XYLB: variants seen among roughly 807,000 people sequenced by gnomAD.
XYLB encodes xylulokinase, also known as xylulose kinase.
A neutral mutation model predicts 78.7 loss-of-function variants in XYLB; 62 were observed. That is an observed-to-expected ratio of 0.79 (90% CI 0.64 to 0.97). The LOEUF (loss-of-function observed/expected upper bound fraction) is 0.97. Ranked by LOEUF, XYLB falls within the 50% of genes least tolerant of loss-of-function variation. The pLI is 0.00. For synonymous variants in XYLB, 245 were observed against 247.4 expected (o/e 0.99, Z 0.09); for missense variants, 687 against 676.8 (o/e 1.02, Z -0.17).
At chr3:38,399,136 G>A (rs1045901392) in intron 17 of XYLB, among the ~76,000 whole-genome samples, 25 of 152,220 alleles carry the variant, frequency 1.6e-4, no homozygotes, top group South Asian at 6.2e-4. Flanking sequence ...CAAGGTCTCT[G>A]TTGTCCAGCC....
chr3:38,379,376 T>G (rs1232097992), intron 15 of XYLB, 34 bp downstream of exon 15: 2 of 1,609,032 alleles, frequency 1.2e-6, no homozygotes, highest in Admixed American at 3.3e-5. Flanking sequence ...TGTCCCGGGG[T>G]GGGGGCTCAG....
At chr3:38,353,483 AT>A (rs774793355) in intron 2 of XYLB, among the ~76,000 whole-genome samples, 1 of 150,934 alleles carries the variant, frequency 6.6e-6, no homozygotes, top group Admixed American at 6.6e-5. Context: ...ATTTTTTTGT[AT>A]TTTTTTTGTA....
chr3:38,361,114 A>T (rs1705946062), intron 3 of XYLB, among the ~76,000 whole-genome samples: 1 of 152,190 alleles, frequency 6.6e-6, no homozygotes, highest in Non-Finnish European at 1.5e-5. Flanking sequence ...TTAGCTCCCT[A>T]ATCACCTAGA....
At chr3:38,380,683 A>G (rs1435181518) in intron 15 of XYLB, among the ~76,000 whole-genome samples, 5 of 152,248 alleles carry the variant, frequency 3.3e-5, no homozygotes. Flanking sequence ...ATTTCTAAGT[A>G]AAGGCACAAC....
At chr3:38,399,255 A>G (rs1268149786) in intron 17 of XYLB, among the ~76,000 whole-genome samples, 1 of 151,234 alleles carries the variant, frequency 6.6e-6, no homozygotes, top group Non-Finnish European at 1.5e-5. Flanking sequence ...ACAGGCACAC[A>G]CCACCACACC....
intron 17 of XYLB, among the ~76,000 whole-genome samples, chr3:38,397,982 C>G (rs1256427180): frequency 2.0e-5 from 3 of 151,226 alleles, no homozygotes; most frequent in Non-Finnish European, 2.9e-5. Context: ...CCATGCCCAG[C>G]TAATTTTTTG....
rs184378027 is a variant in XYLB at position 38,372,608 on chromosome 3, C to T, written c.766-47C>T. On this transcript the variant is annotated intron_variant, in intron 9 of 18. Coordinates refer to ENST00000207870, the MANE Select transcript of XYLB (RefSeq NM_005108.4). ...AGGGTGGGTGGCTGTGCTGGGCAGG[C>T]GGGATTTACCTCAACAGAGCACCTT... The T allele has an allele frequency of 1.3e-3, 2,164 of 1,613,212 alleles. 4 individuals are homozygous for T. Among genetic ancestry groups the T allele is most frequent in the Non-Finnish European group, 1.2e-3 (1,421 of 1,179,494 alleles).
chr3:38,426,940 A>G, the XYLB span, among the ~76,000 whole-genome samples: 1 of 152,216 alleles, frequency 6.6e-6, no homozygotes, highest in East Asian at 1.9e-4. Context: ...TGCTCAAACC[A>G]CAAACGATAG....
intron 7 of XYLB, among the ~76,000 whole-genome samples, 183 bp downstream of exon 7, chr3:38,367,056 T>C (rs1706304045): frequency 6.6e-6 from 1 of 152,086 alleles, no homozygotes; most frequent in Non-Finnish European, 1.5e-5. Context: ...AAGAATGGAA[T>C]GTGGGAAAGA....
Position 38,368,177 on chromosome 3 carries a change from C to T in XYLB, c.574-8C>T, listed in dbSNP as rs775355570. 63 of 1,613,712 alleles carry T rather than the reference C, an allele frequency of 3.9e-5. No homozygotes were observed. In the South Asian group the frequency reaches 5.5e-4, roughly 14 times the overall value. On this transcript the variant is annotated splice_polypyrimidine_tract_variant and splice_region_variant and intron_variant, in intron 7 of 18. Coordinates refer to ENST00000207870, the MANE Select transcript of XYLB (RefSeq NM_005108.4). ...TGAGGCACCTCTCACTGTTTCTTTC[C>T]TTTACAGAGAATTTCTTTGGTCAGT...
At chr3:38,415,159 C>T (rs1277546183), downstream of XYLB, among the ~76,000 whole-genome samples, 1 of 152,186 alleles carries the variant, frequency 6.6e-6, no homozygotes, top group Non-Finnish European at 1.5e-5. Context: ...CCTGGTTGGC[C>T]TCAAACTTCT....
chr3:38,420,915 G>A (rs867355638), downstream of XYLB, among the ~76,000 whole-genome samples: 13 of 152,230 alleles, frequency 8.5e-5, no homozygotes, highest in African/African-American at 2.4e-4. Context: ...ACCTGGCCCC[G>A]CCCGGAGCAA....
chr3:38,448,386 T>C, the XYLB span, among the ~76,000 whole-genome samples: 3 of 152,188 alleles, frequency 2.0e-5, no homozygotes, highest in Non-Finnish European at 2.9e-5. Flanking sequence ...TGCCATTACT[T>C]GAACAATACA....
In XYLB at chr3:38,379,490, G is replaced by A. The variant is rs1025885500; in HGVS notation, c.1291+148G>A. ...GGAGGTGGAGCCTGACCTCAGGGAT[G>A]GGGTGAGAAAGTGTCAATTGGCACT... On this transcript the variant is annotated intron_variant, in intron 15 of 18. Transcript: ENST00000207870. 5 of 736,814 alleles carry A rather than the reference G, an allele frequency of 6.8e-6. No individual in the cohort carries two copies. The African/African-American group carries it at 8.7e-5, about 13-fold the overall frequency. 45.6% of individuals were successfully genotyped at this position (736,814 alleles called of 1,614,324 possible).
At position 38,365,198 on chromosome 3, in the gene XYLB, G is replaced by A. The variant is rs778661806; in HGVS notation, c.292-1G>A. The A allele has an allele frequency of 6.2e-7, 1 of 1,614,150 alleles. No individual in the cohort carries two copies. On this transcript the variant is annotated splice_acceptor_variant, in intron 4 of 18. Coordinates refer to ENST00000207870, the MANE Select transcript of XYLB (RefSeq NM_005108.4). LOFTEE classifies it high-confidence loss of function. The stretch of plus-strand genomic sequence containing the variant: ...GACCATGTGCTTGGGTTTCCCAACA[G>A]CAACACGGAAGTATATACTGGAAGG...
the XYLB span, among the ~76,000 whole-genome samples, chr3:38,437,122 A>G: frequency 6.6e-6 from 1 of 151,900 alleles, no homozygotes; most frequent in East Asian, 1.9e-4. Flanking sequence ...ATATATGTAA[A>G]TCAGTAAACA....
intron 10 of XYLB, 92 bp from the exon 11 acceptor site, chr3:38,374,370 G>A: frequency 1.3e-6 from 2 of 1,577,724 alleles, no homozygotes; most frequent in Non-Finnish European, 1.7e-6. Flanking sequence ...GGTTGGAGGT[G>A]GGGGCTCTGC....
chr3:38,447,389 C>G, the XYLB span, among the ~76,000 whole-genome samples: 1 of 151,978 alleles, frequency 6.6e-6, no homozygotes, highest in Non-Finnish European at 1.5e-5. Context: ...GTGGAGCCTT[C>G]ACCTCCTGGG....
the XYLB span, among the ~76,000 whole-genome samples, chr3:38,437,184 T>C: frequency 1.3e-5 from 2 of 152,038 alleles, no homozygotes; most frequent in African/African-American, 2.4e-5. Context: ...ATGAATTCAA[T>C]AGAAGTAGAA....
Sources: gnomAD v4.1 joint callset for allele counts (sites outside exome capture counted in the v4.1 genomes callset) on GRCh38, gnomAD v4.1.1 for gene constraint, MANE v1.5 for transcripts, NCBI Gene and HGNC (gene_info 2026-07-23, HGNC 2026-07-21) for gene names.